Variants in RBFOX1 observed in about 807,000 individuals in gnomAD.
RBFOX1 encodes the protein RNA binding fox-1 homolog 1.
RBFOX1 carries 8 observed loss-of-function variants against 57.7 expected under a neutral mutation model. That is an observed-to-expected ratio of 0.14 (90% CI 0.08 to 0.25). The LOEUF is 0.25. RBFOX1 is among the 10% of genes least tolerant of loss of function. The pLI, the probability that RBFOX1 is intolerant of heterozygous loss-of-function variation, is 1.00. For missense variants in RBFOX1, 611 were observed against 548.5 expected (o/e 1.11, Z -1.14); for synonymous variants, 326 against 222.4 (o/e 1.47, Z -4.15).
At chr16:6,130,954 C>G (rs538074312) in intron 1 of RBFOX1, among the ~76,000 whole-genome samples, 1 of 152,212 alleles carries the variant, frequency 6.6e-6, no homozygotes, top group South Asian at 2.1e-4. Context: ...ACAACTCTCT[C>G]TGATTGAAAA....
At chr16:6,772,427 T>C (rs2078453737) in intron 3 of RBFOX1, among the ~76,000 whole-genome samples, 1 of 101,814 alleles carries the variant, frequency 9.8e-6, no homozygotes, top group African/African-American at 5.6e-5. Context: ...CGCACGTGCG[T>C]GTGTGTGTGT....
intron 2 of RBFOX1, among the ~76,000 whole-genome samples, chr16:6,561,019 A>G (rs2097172842): frequency 6.6e-6 from 1 of 152,042 alleles, no homozygotes; most frequent in Admixed American, 6.6e-5. Context: ...CTTCAAACGC[A>G]CCCTCCAACC....
At chr16:6,018,927 C>T (rs1233037915), upstream of RBFOX1, among the ~76,000 whole-genome samples, 2 of 151,878 alleles carry the variant, frequency 1.3e-5, no homozygotes, top group East Asian at 2.0e-4. Context: ...GTCGCGTGTC[C>T]GCCGCCGCCG....
intron 3 of RBFOX1, among the ~76,000 whole-genome samples, chr16:5,665,139 G>T (rs1028719229): frequency 4.3e-5 from 5 of 115,542 alleles, no homozygotes; most frequent in East Asian, 3.4e-4. Flanking sequence ...CATGGGGGGG[G>T]GCGGTCTTGC....
At chr16:6,371,806 C>G (rs1291684372) in intron 2 of RBFOX1, among the ~76,000 whole-genome samples, 2 of 152,142 alleles carry the variant, frequency 1.3e-5, no homozygotes, top group African/African-American at 2.4e-5. Context: ...ATTTGTTAAT[C>G]CTTCCTAAGG....
At position 5,896,195 on chromosome 16, in the gene RBFOX1, A is replaced by C. The variant is rs549540134; in HGVS notation, c.351+28860A>C. Among the ~76,000 whole-genome samples the C allele has an allele frequency of 9.9e-5, 15 of 152,250 alleles. No homozygotes were observed. In the East Asian group the frequency reaches 2.9e-3, roughly 29 times the overall value. ...ATGAATGGTCCCCACAGCTGGTCTC[A>C]TCTAGAGGCAGAGAGCCAAGCTGCT... is the stretch of plus-strand genomic sequence containing the variant. On this transcript the variant is annotated intron_variant, in intron 4 of 19. Transcript: ENST00000641259.
At chr16:7,454,937 C>G (rs1474113008) in intron 4 of RBFOX1, among the ~76,000 whole-genome samples, 1 of 152,156 alleles carries the variant, frequency 6.6e-6, no homozygotes. Context: ...TGGGCCAACC[C>G]CTTTTCCCAG....
chr16:7,427,954 T>C (rs1230133560), intron 4 of RBFOX1, among the ~76,000 whole-genome samples: 1 of 152,200 alleles, frequency 6.6e-6, no homozygotes, highest in Non-Finnish European at 1.5e-5. Flanking sequence ...TTTAGCTGTT[T>C]CTTGAACATA....
intron 4 of RBFOX1, among the ~76,000 whole-genome samples, chr16:7,410,223 G>A (rs1191135898): frequency 6.6e-6 from 1 of 152,208 alleles, no homozygotes; most frequent in Non-Finnish European, 1.5e-5. Context: ...TCCAGGCACA[G>A]TGCTGTAGGC....
intron 3 of RBFOX1, among the ~76,000 whole-genome samples, chr16:5,760,201 C>G (rs1597136928): frequency 6.6e-6 from 1 of 152,132 alleles, no homozygotes; most frequent in African/African-American, 2.4e-5. Flanking sequence ...CATTGAAAGT[C>G]CCACATTCTG....
chr16:6,581,918 A>G (rs1224845204), intron 2 of RBFOX1, among the ~76,000 whole-genome samples: 1 of 152,238 alleles, frequency 6.6e-6, no homozygotes, highest in Non-Finnish European at 1.5e-5. Context: ...AGGCATTCAT[A>G]TAAACCAATC....
intron 1 of RBFOX1, among the ~76,000 whole-genome samples, chr16:6,301,276 G>A (rs1042156047): frequency 6.6e-6 from 1 of 152,180 alleles, no homozygotes; most frequent in African/African-American, 2.4e-5. Context: ...TTTGATGGGT[G>A]TCACATGCCA....
chr16:5,592,009 C>T (rs1365818166), intron 2 of RBFOX1, among the ~76,000 whole-genome samples: 3 of 152,172 alleles, frequency 2.0e-5, no homozygotes, highest in Non-Finnish European at 4.4e-5. Flanking sequence ...ATTCAAATTT[C>T]TTCTTTGTCA....
At chr16:6,089,370 C>G (rs1430475699) in intron 1 of RBFOX1, among the ~76,000 whole-genome samples, 1 of 151,986 alleles carries the variant, frequency 6.6e-6, no homozygotes, top group Non-Finnish European at 1.5e-5. Context: ...AATGCAAAGG[C>G]CCAGAGCCAT....
chr16:6,838,848 T>G (rs1210823433), intron 3 of RBFOX1, among the ~76,000 whole-genome samples: 3 of 152,112 alleles, frequency 2.0e-5, no homozygotes, highest in Non-Finnish European at 2.9e-5. Context: ...CCCGTCATAC[T>G]CTGAAGGAAA....
At chr16:6,726,443 C>G (rs1387149872) in intron 3 of RBFOX1, among the ~76,000 whole-genome samples, 1 of 146,922 alleles carries the variant, frequency 6.8e-6, no homozygotes, top group Non-Finnish European at 1.5e-5. Flanking sequence ...CACGACTTGT[C>G]TTAAGATCTG....
chr16:5,873,729 A>G (rs1291492848), intron 4 of RBFOX1, among the ~76,000 whole-genome samples: 3 of 152,346 alleles, frequency 2.0e-5, no homozygotes, highest in South Asian at 2.1e-4. Context: ...TCAATAGAGC[A>G]AAACTGTCCC....
chr16:7,472,324 T>C (rs2061709923), intron 4 of RBFOX1, among the ~76,000 whole-genome samples: 1 of 150,488 alleles, frequency 6.6e-6, no homozygotes, highest in African/African-American at 2.5e-5. Flanking sequence ...AAATAGTAAT[T>C]TGGAGGAGGG....
intron 1 of RBFOX1, among the ~76,000 whole-genome samples, chr16:6,217,602 C>T (rs1048115723): frequency 2.6e-5 from 4 of 152,184 alleles, no homozygotes; most frequent in Admixed American, 6.5e-5. Flanking sequence ...GTACCCACAT[C>T]GTGGTGCATC....
Sources: gnomAD v4.1 joint callset for allele counts (sites outside exome capture counted in the v4.1 genomes callset) on GRCh38, gnomAD v4.1.1 for gene constraint, MANE v1.5 for transcripts, NCBI Gene and HGNC (gene_info 2026-07-23, HGNC 2026-07-21) for gene names.